APLF: variants seen among roughly 807,000 people sequenced by gnomAD.
APLF encodes the protein aprataxin and PNK-like factor.
Under a neutral mutation model 55.6 loss-of-function variants are expected in APLF, and 61 were observed. The ratio of observed to expected loss-of-function variants is 1.10; its 90% confidence interval spans 0.89 to 1.36. The LOEUF (loss-of-function observed/expected upper bound fraction) is 1.36. APLF is among the 40% of genes most tolerant of loss of function. APLF has a pLI of 0.00. For synonymous variants in APLF, 207 were observed against 214.8 expected (o/e 0.96, Z 0.32); for missense variants, 611 against 602.5 (o/e 1.01, Z -0.15).
intron 6 of APLF, among the ~76,000 whole-genome samples, chr2:68,527,000 C>T (rs1308214834): frequency 6.6e-6 from 1 of 152,242 alleles, no homozygotes; most frequent in East Asian, 1.9e-4. Context: ...TGTCACTTCA[C>T]ACTTGGAAGG....
chr2:68,485,462 G>T (rs1462837359), intron 1 of APLF, among the ~76,000 whole-genome samples: 1 of 152,140 alleles, frequency 6.6e-6, no homozygotes, highest in Non-Finnish European at 1.5e-5. Flanking sequence ...TGGTGATGTG[G>T]TAAGTGTAAT....
chr2:68,531,171 G>A (rs1472144851), intron 6 of APLF, among the ~76,000 whole-genome samples: 2 of 152,104 alleles, frequency 1.3e-5, no homozygotes, highest in South Asian at 2.1e-4. Flanking sequence ...GTAACACTGG[G>A]TACTTAAAGA....
At position 68,513,184 on chromosome 2, in the gene APLF, G is replaced by T. The variant is rs964128558; in HGVS notation, c.446G>T (p.Ser149Ile). 34 of 1,610,806 alleles carry T rather than the reference G, an allele frequency of 2.1e-5. No individual in the cohort carries two copies. Among genetic ancestry groups the T allele is most frequent in the African/African-American group, 4.0e-5 (3 of 74,714 alleles). ...ETTGASQLEG[S>I]TEIAKTQMTP... Reference sequence around the variant, plus strand: ...ACTGGTGCCTCACAACTGGAAGGAAGCACAGAAATAGCCAAGACCCAGATG... The same window carrying T: ...ACTGGTGCCTCACAACTGGAAGGAATCACAGAAATAGCCAAGACCCAGATG... The change falls in exon 4 of 10, where the codon AGC becomes ATC. Residue 149 changes from serine (S) to isoleucine (I), a missense_variant. Ser to Ile is a moderately radical substitution (Grantham distance 142, BLOSUM62 -2). Coordinates refer to ENST00000303795, the MANE Select transcript of APLF (RefSeq NM_173545.3).
chr2:68,575,494 A>G (rs1671596107), intron 9 of APLF, among the ~76,000 whole-genome samples: 1 of 152,082 alleles, frequency 6.6e-6, no homozygotes, highest in Admixed American at 6.6e-5. Flanking sequence ...TTTTTTGTGA[A>G]GAATAGACTA....
chr2:68,574,671 T>A (rs768096598), intron 9 of APLF, among the ~76,000 whole-genome samples: 2 of 152,210 alleles, frequency 1.3e-5, no homozygotes, highest in African/African-American at 2.4e-5. Flanking sequence ...ATGACAGATA[T>A]AAACTTTTTT....
Position 68,477,152 on chromosome 2 carries a change from GAT to G in APLF, c.96+9328_96+9329del, listed in dbSNP as rs149416724. On this transcript the variant is annotated intron_variant, in intron 1 of 9. Transcript: ENST00000303795. ...TACATAGTGCCATTTGCAGTTGAGA[GAT>G]ATGTAGACAAATGTAAAGCATAAAA... Among the ~76,000 whole-genome samples the G allele has an allele frequency of 7.5e-3, 1,143 of 152,286 alleles. 11 individuals are homozygous for G. Among genetic ancestry groups the G allele is most frequent in the African/African-American group, 0.026 (1,096 of 41,562 alleles).
At chr2:68,537,337 G>A (rs1443877670) in intron 6 of APLF, among the ~76,000 whole-genome samples, 1 of 151,170 alleles carries the variant, frequency 6.6e-6, no homozygotes, top group African/African-American at 2.4e-5. Context: ...GATTGTAAAG[G>A]TTTGATACAA....
At chr2:68,538,292 T>C in intron 7 of APLF, 65 bp downstream of exon 7, 1 of 1,351,128 alleles carries the variant, frequency 7.4e-7, no homozygotes, top group Non-Finnish European at 1.0e-6. Flanking sequence ...TGTAGATACA[T>C]GCTACAGTAT....
intron 5 of APLF, among the ~76,000 whole-genome samples, chr2:68,518,329 T>C (rs1669715871): frequency 8.8e-6 from 1 of 113,472 alleles, no homozygotes; most frequent in Non-Finnish European, 1.6e-5. Flanking sequence ...ATATATAATA[T>C]ATTAATAAAT....
At chr2:68,575,259 A>G (rs1031081887) in intron 9 of APLF, among the ~76,000 whole-genome samples, 4 of 152,188 alleles carry the variant, frequency 2.6e-5, no homozygotes, top group African/African-American at 9.6e-5. Flanking sequence ...AGGCGTTGGG[A>G]ATCATGAATT....
At chr2:68,559,230 G>C (rs1342571172) in intron 8 of APLF, among the ~76,000 whole-genome samples, 1 of 152,106 alleles carries the variant, frequency 6.6e-6, no homozygotes, top group Non-Finnish European at 1.5e-5. Flanking sequence ...ATCTAGAGCA[G>C]AGAGCAGTGT....
At chr2:68,570,473 G>A (rs1222397585) in intron 9 of APLF, among the ~76,000 whole-genome samples, 1 of 149,928 alleles carries the variant, frequency 6.7e-6, no homozygotes, top group Non-Finnish European at 1.5e-5. Flanking sequence ...GCCCCAGTGT[G>A]TGATGTTCCC....
At chr2:68,521,285 G>T (rs374565210) in intron 5 of APLF, among the ~76,000 whole-genome samples, 3 of 151,678 alleles carry the variant, frequency 2.0e-5, no homozygotes, top group Admixed American at 6.6e-5. Flanking sequence ...TTGGCAAATG[G>T]TGACAGTTTG....
intron 8 of APLF, among the ~76,000 whole-genome samples, chr2:68,546,101 G>C (rs939793339): frequency 2.0e-5 from 3 of 151,998 alleles, no homozygotes; most frequent in Non-Finnish European, 4.4e-5. Flanking sequence ...AAGTTTCTAG[G>C]ACCAGAAAGG....
At chr2:68,537,849 T>A in intron 6 of APLF, 23 bp from the exon 7 acceptor site, 2 of 1,473,456 alleles carry the variant, frequency 1.4e-6, no homozygotes. Flanking sequence ...TTATTTCTGA[T>A]GTTTTTCATA....
chr2:68,487,902 A>G (rs542825189), intron 1 of APLF, among the ~76,000 whole-genome samples: 4 of 152,252 alleles, frequency 2.6e-5, no homozygotes, highest in African/African-American at 7.2e-5. Context: ...TTTGTATTCT[A>G]TAAAGACACA....
intron 2 of APLF, among the ~76,000 whole-genome samples, chr2:68,498,560 T>C (rs113411277): frequency 0.025 from 3,881 of 152,360 alleles, 66 homozygotes; most frequent in South Asian, 0.043. Context: ...CCAGCAGTTC[T>C]AGGAAATAGT....
At chr2:68,570,196 C>T (rs1671414931) in intron 9 of APLF, among the ~76,000 whole-genome samples, 1 of 151,562 alleles carries the variant, frequency 6.6e-6, no homozygotes, top group Non-Finnish European at 1.5e-5. Context: ...TTTAAGTCTC[C>T]ACACTTTTTC....
At chr2:68,567,486 G>T (rs1418966697) in intron 9 of APLF, 99 bp downstream of exon 9, 12 of 966,040 alleles carry the variant, frequency 1.2e-5, no homozygotes, top group African/African-American at 1.7e-5. Context: ...TAAAATCTCT[G>T]CTTCTGTGAA....
Sources: allele counts gnomAD v4.1 joint callset (sites outside exome capture counted in the v4.1 genomes callset), GRCh38; gene constraint gnomAD v4.1.1; transcripts MANE v1.5; gene names NCBI Gene and HGNC (gene_info 2026-07-23, HGNC 2026-07-21).